Variants in SHTN1 observed in about 807,000 individuals in gnomAD.
SHTN1 encodes the protein shootin 1.
A neutral mutation model predicts 83.1 loss-of-function variants in SHTN1; 42 were observed. That is an observed-to-expected ratio of 0.51 (90% CI 0.39 to 0.65). SHTN1 has a LOEUF of 0.65. SHTN1 is among the 30% of genes least tolerant of loss of function. The pLI is 0.00. For synonymous variants in SHTN1, 224 were observed against 247.7 expected (o/e 0.90, Z 0.90); for missense variants, 622 against 737.8 (o/e 0.84, Z 1.82).
At chr10:117,084,334 G>A (rs1159114635) in intron 1 of SHTN1, among the ~76,000 whole-genome samples, 1 of 152,128 alleles carries the variant, frequency 6.6e-6, no homozygotes, top group African/African-American at 2.4e-5. Flanking sequence ...CCTGCTGGAG[G>A]GTGCCTCCCA....
intron 3 of SHTN1, 65 bp from the exon 4 acceptor site, chr10:116,960,295 G>A (rs1275258710): frequency 9.2e-6 from 8 of 873,170 alleles, no homozygotes; most frequent in Admixed American, 7.1e-5. Flanking sequence ...AGGAGCCCAC[G>A]CATCGTCCCA....
At chr10:117,109,281 C>A (rs1171352789) in intron 1 of SHTN1, among the ~76,000 whole-genome samples, 1 of 152,074 alleles carries the variant, frequency 6.6e-6, no homozygotes, top group African/African-American at 2.4e-5. Flanking sequence ...TGTTGTGACT[C>A]CTGCCTTACA....
chr10:117,124,211 CAAAA>C (rs779250492), intron 1 of SHTN1, among the ~76,000 whole-genome samples: 2 of 65,908 alleles, frequency 3.0e-5, no homozygotes, highest in Non-Finnish European at 3.1e-5. Context: ...GATTATGTCT[CAAAA>C]AAAAAAAAAA....
At chr10:117,114,196 G>A (rs1357578732) in intron 1 of SHTN1, among the ~76,000 whole-genome samples, 1 of 152,190 alleles carries the variant, frequency 6.6e-6, no homozygotes, top group Non-Finnish European at 1.5e-5. Context: ...GTGATAGAGT[G>A]AAATCCTATT....
chr10:116,939,506 A>G (rs1849288054), intron 9 of SHTN1, among the ~76,000 whole-genome samples: 1 of 152,190 alleles, frequency 6.6e-6, no homozygotes, highest in African/African-American at 2.4e-5. Flanking sequence ...TCACTGTCCA[A>G]CCAGTTCCAG....
intron 2 of SHTN1, among the ~76,000 whole-genome samples, chr10:116,977,281 T>C (rs771690928): frequency 7.2e-5 from 11 of 152,234 alleles, no homozygotes; most frequent in Non-Finnish European, 1.5e-4. Flanking sequence ...TTCTCTATTA[T>C]ATGAAGACAA....
At chr10:116,964,663 T>C (rs1850325612) in intron 3 of SHTN1, among the ~76,000 whole-genome samples, 1 of 152,170 alleles carries the variant, frequency 6.6e-6, no homozygotes, top group African/African-American at 2.4e-5. Context: ...TAAAACAGAT[T>C]AATGGATCTA....
rs1266359126 is a variant in SHTN1, at chr10:116,968,694, C to G, written c.130G>C (p.Glu44Gln). Reference sequence around the variant, plus strand: ...AGTTTTTTAACGGCTTCATCTCGTTCTTGCCTAATTTTGTCACACTGAAAT... The same window carrying G: ...AGTTTTTTAACGGCTTCATCTCGTTGTTGCCTAATTTTGTCACACTGAAAT... Reference protein sequence around the residue: ...TKEKCDKIRQERDEAVKKLEE... With the variant: ...TKEKCDKIRQQRDEAVKKLEE... Residue 44 changes from glutamate (E) to glutamine (Q), a missense_variant, in exon 3 of 17, where the codon GAA (glutamate) becomes CAA (glutamine). By Grantham distance (29) the Glu-to-Gln change is conservative. Transcript: ENST00000355371. 2.5e-6 allele frequency: 4 copies of G among 1,612,100 alleles called. No homozygotes were observed. The highest frequency in any genetic ancestry group is 1.7e-5 in the Admixed American group (1 of 59,890).
chr10:117,121,541 T>A (rs889570851), intron 1 of SHTN1, among the ~76,000 whole-genome samples: 2 of 151,494 alleles, frequency 1.3e-5, no homozygotes, highest in African/African-American at 4.9e-5. Flanking sequence ...ATCATGCCAC[T>A]ATACTCCAGC....
At chr10:116,960,076 C>T in intron 4 of SHTN1, 60 bp downstream of exon 4, 2 of 1,020,562 alleles carry the variant, frequency 2.0e-6, no homozygotes, top group Non-Finnish European at 3.1e-6. Flanking sequence ...GAAGCCACTG[C>T]TTAGAAAAGC....
chr10:116,905,757 C>T (rs552613906), intron 15 of SHTN1, among the ~76,000 whole-genome samples: 40 of 152,270 alleles, frequency 2.6e-4, no homozygotes, highest in Middle Eastern at 3.4e-3. Context: ...CCATTAGCTG[C>T]GATTGCTGAT....
upstream of SHTN1, among the ~76,000 whole-genome samples, chr10:117,007,315 C>G (rs1852034969): frequency 6.6e-6 from 1 of 151,752 alleles, no homozygotes; most frequent in South Asian, 2.1e-4. Context: ...GCTTAGTTCA[C>G]AAAGTTCCAT....
intron 16 of SHTN1, among the ~76,000 whole-genome samples, chr10:116,887,071 G>C (rs1847188440): frequency 6.6e-6 from 1 of 152,196 alleles, no homozygotes; most frequent in African/African-American, 2.4e-5. Flanking sequence ...CATGCTGACT[G>C]CTGCCATTAC....
At chr10:116,940,718 A>G in intron 8 of SHTN1, 106 bp from the exon 9 acceptor site, 2 of 872,326 alleles carry the variant, frequency 2.3e-6, no homozygotes, top group Non-Finnish European at 3.3e-6. Flanking sequence ...TAAATCATTA[A>G]AGGCAAATTC....
chr10:117,082,313 C>T (rs1204474363), intron 1 of SHTN1, among the ~76,000 whole-genome samples: 3 of 138,484 alleles, frequency 2.2e-5, no homozygotes, highest in Non-Finnish European at 4.7e-5. Context: ...CATTCAGGAG[C>T]AGGTTGTTCA....
intron 1 of SHTN1, among the ~76,000 whole-genome samples, chr10:117,100,208 G>A (rs1256090020): frequency 6.6e-6 from 1 of 152,186 alleles, no homozygotes; most frequent in South Asian, 2.1e-4. Flanking sequence ...AAAATAAAGA[G>A]TAAATACATG....
intron 1 of SHTN1, among the ~76,000 whole-genome samples, chr10:116,979,855 C>T (rs1050534334): frequency 4.6e-5 from 7 of 152,192 alleles, no homozygotes; most frequent in African/African-American, 1.7e-4. Context: ...GGTTTGCACA[C>T]TCGACTCAAT....
chr10:116,899,031 C>G (rs61545069), intron 16 of SHTN1, among the ~76,000 whole-genome samples: 40 of 151,990 alleles, frequency 2.6e-4, no homozygotes, highest in African/African-American at 9.2e-4. Flanking sequence ...GAAGATCTTA[C>G]GCAGATCATA....
intron 1 of SHTN1, among the ~76,000 whole-genome samples, chr10:116,987,493 T>C (rs979931863): frequency 1.3e-5 from 2 of 151,850 alleles, no homozygotes; most frequent in African/African-American, 2.4e-5. Context: ...AAGTGAACTA[T>C]GAAGTCACAA....
Sources: gnomAD v4.1 joint callset for allele counts (sites outside exome capture counted in the v4.1 genomes callset) on GRCh38, gnomAD v4.1.1 for gene constraint, MANE v1.5 for transcripts, NCBI Gene and HGNC (gene_info 2026-07-23, HGNC 2026-07-21) for gene names.